The following DVL3 variants were observed in gnomAD, a reference collection of about 807,000 sequenced individuals.
DVL3 encodes segment polarity protein dishevelled homolog DVL-3.
In DVL3, 27 loss-of-function variants were observed where a neutral mutation model predicts 67.4. That is an observed-to-expected ratio of 0.40 (90% confidence interval 0.30 to 0.55). The LOEUF (loss-of-function observed/expected upper bound fraction) is 0.55, where lower values mean the gene tolerates loss of function less well. Among genes scored for constraint, DVL3 ranks in the 20% least tolerant of loss-of-function variants. DVL3 has a pLI of 0.46. For missense variants in DVL3, 819 were observed against 1,021.5 expected, an observed-to-expected ratio of 0.80 and a Z score of 2.70; for synonymous variants, 369 against 396.8, an observed-to-expected ratio of 0.93 and a Z score of 0.83.
In DVL3 at chr3:184,155,811, C is replaced by T. The variant is rs374896382; in HGVS notation, c.161+15C>T. ...GACGATTTCGGGTGAGGATGGCCCC[C>T]GCCCCGCCTCCGGGAGCCCCGGCCG... On this transcript the variant is annotated intron_variant, in intron 1 of 14. Transcript: ENST00000313143. This position sits in a 1 kb window ranked among gnomAD's most constrained non-coding sequence, Gnocchi z 5.4. 7.5e-6 allele frequency: 12 copies of T among 1,596,334 alleles called. No homozygotes were observed. Among genetic ancestry groups the T allele is most frequent in the Non-Finnish European group, 1.0e-5 (12 of 1,171,692 alleles).
At position 184,165,445 on chromosome 3, in the gene DVL3, G is replaced by A. The variant is rs764895622; in HGVS notation, c.717G>A (p.Thr239=). The change falls in exon 7 of 15, where the codon ACG becomes ACA. Residue 239 remains threonine, a synonymous_variant. Transcript: ENST00000313143. This position sits in a 1 kb window ranked among gnomAD's most constrained non-coding sequence, Gnocchi z 4.1. ...AGTCCTCGTCCTTCAGCAGCATCACGGACTCCACCATGTCACTCAACATCA... is the reference window on the plus strand; with the variant it reads ...AGTCCTCGTCCTTCAGCAGCATCACAGACTCCACCATGTCACTCAACATCA... ...IERSSSFSSI[T]DSTMSLNIIT... 2.9e-5 allele frequency: 47 copies of A among 1,613,842 alleles called. No individual in the cohort carries two copies. The highest frequency in any genetic ancestry group is 4.5e-5 in the East Asian group (2 of 44,858).
rs768326206 is a variant in DVL3, at chr3:184,166,714, A to G, written c.1048+41A>G. ...ACTCAGTCCTAAAGCTGGTGCTTAC[A>G]TACATGAGCACTGTCTCTCCTTTCT... On this transcript the variant is annotated intron_variant, in intron 10 of 14. Coordinates refer to ENST00000313143, the MANE Select transcript of DVL3 (RefSeq NM_004423.4). This position sits in a 1 kb window ranked among gnomAD's most constrained non-coding sequence, Gnocchi z 6.7. 1.2e-6 allele frequency: 2 copies of G among 1,612,166 alleles called. No homozygotes were observed. The highest frequency in any genetic ancestry group is 2.2e-5 in the South Asian group (2 of 90,894).
rs1422904004 is a variant in DVL3, at chr3:184,165,064, G to T, written c.600-49G>T. ...CAGGCCCTGCAGTGCCTCCCCTCAT[G>T]GGGGCAGGGCTGGGCCAGCCTGGTG... On this transcript the variant is annotated intron_variant, in intron 5 of 14. Transcript: ENST00000313143. The surrounding 1 kb of genome is among the most constrained non-coding windows in gnomAD (Gnocchi z 4.1). 1 of 1,611,736 alleles carries T rather than the reference G, an allele frequency of 6.2e-7. No homozygotes were observed. The highest frequency in any genetic ancestry group is 2.2e-5 in the East Asian group (1 of 44,864).
intron 1 of DVL3, chr3:184,156,849 C>T: frequency 3.9e-6 from 1 of 256,432 alleles, no homozygotes; most frequent in South Asian, 4.1e-5. Context: ...CTGAAGGCTG[C>T]CTCTCCAGCC....
chr3:184,167,965 G>A lies in DVL3; in HGVS notation c.1398G>A (p.Lys466=). 1.9e-6 allele frequency: 3 copies of A among 1,614,286 alleles called. No homozygotes were observed. The highest frequency in any genetic ancestry group is 8.5e-7 in the Non-Finnish European group (1 of 1,180,048). ...EGFTDRREAR[K]YASNLLKAGF... The stretch of plus-strand genomic sequence containing the variant: ...TCACGGACCGGAGGGAGGCCCGCAA[G>A]TATGCCAGCAACCTGCTGAAAGCTG... Residue 466 remains lysine, a synonymous_variant, in exon 13 of 15, where the codon AAG becomes AAA. Coordinates refer to ENST00000313143, the MANE Select transcript of DVL3 (RefSeq NM_004423.4). This position sits in a 1 kb window ranked among gnomAD's most constrained non-coding sequence, Gnocchi z 4.6.
rs148713930 is a variant in DVL3, at chr3:184,171,787, G to A, written c.*1032G>A. ...CCTCCTTTCCAGAGAGAATCGGATC[G>A]CACCACGTGTGGCAGCCTGCGGCGG... On this transcript the variant is annotated 3_prime_UTR_variant, in exon 15 of 15. Coordinates refer to ENST00000313143, the MANE Select transcript of DVL3 (RefSeq NM_004423.4). The A allele has an allele frequency of 7.4e-3, 1,452 of 195,262 alleles. 18 individuals carry two copies. Among genetic ancestry groups the A allele is most frequent in the Non-Finnish European group, 8.8e-3 (933 of 106,100 alleles). 12.1% of individuals were successfully genotyped at this position (195,262 alleles called of 1,614,324 possible).
rs539349424 is a variant in DVL3, at chr3:184,166,302, G to A, written c.903+37G>A. ...CATCCTAGGCGGTGGTGTGGATAGA[G>A]GGCAGGGAGGTGTCCTACCATCTGT... On this transcript the variant is annotated intron_variant, in intron 8 of 14. Transcript: ENST00000313143. This position sits in a 1 kb window ranked among gnomAD's most constrained non-coding sequence, Gnocchi z 6.7. 1 of 1,608,096 alleles carries A rather than the reference G, an allele frequency of 6.2e-7. No homozygotes were observed. The highest frequency in any genetic ancestry group is 2.2e-5 in the East Asian group (1 of 44,806).
rs1432293613 is a variant in DVL3 at position 184,170,947 on chromosome 3, C to T, written c.*192C>T. 1 of 1,533,084 alleles carries T rather than the reference C, an allele frequency of 6.5e-7. No homozygotes were observed. Among genetic ancestry groups the T allele is most frequent in the Non-Finnish European group, 8.8e-7 (1 of 1,142,728 alleles). The allele number at this position is 1,533,084 out of a possible 1,614,324, so 95.0% of individuals were successfully genotyped here. A position where few individuals can be genotyped will look rare whatever the true frequency, so the allele number is the denominator to read the frequency against. Reference sequence around the variant, plus strand: ...ACCGATTGGCTCTGCAGCCCCCTAACCTGCCTCTGGCCCCAGTTCGTTTCC... The same window carrying T: ...ACCGATTGGCTCTGCAGCCCCCTAATCTGCCTCTGGCCCCAGTTCGTTTCC... On this transcript the variant is annotated 3_prime_UTR_variant, in exon 15 of 15. Transcript: ENST00000313143. The surrounding 1 kb of genome is among the most constrained non-coding windows in gnomAD (Gnocchi z 6.5).
Position 184,167,116 on chromosome 3 carries a change from A to C in DVL3, c.1198+141A>C. The C allele has an allele frequency of 9.3e-7, 1 of 1,070,564 alleles. No individual in the cohort carries two copies. The highest frequency in any genetic ancestry group is 1.4e-6 in the Non-Finnish European group (1 of 738,526). The allele number at this position is 1,070,564 out of a possible 1,614,324, so 66.3% of individuals were successfully genotyped here. A position where few individuals can be genotyped will look rare whatever the true frequency, so the allele number is the denominator to read the frequency against. On this transcript the variant is annotated intron_variant, in intron 11 of 14. Transcript: ENST00000313143. This position sits in a 1 kb window ranked among gnomAD's most constrained non-coding sequence, Gnocchi z 4.6. Reference sequence around the variant, plus strand: ...GCTCATTCCAGCAACCCCACACTGCAACTCCCCCACAGCGGGCACTCCAAC... The same window carrying C: ...GCTCATTCCAGCAACCCCACACTGCCACTCCCCCACAGCGGGCACTCCAAC...
rs200959046 is a variant in DVL3, at chr3:184,164,246, C to T, written c.232-21C>T. The T allele has an allele frequency of 1.2e-4, 193 of 1,612,076 alleles. No homozygotes were observed. The highest frequency in any genetic ancestry group is 1.6e-4 in the Middle Eastern group (1 of 6,070). On this transcript the variant is annotated intron_variant, in intron 2 of 14. Coordinates refer to ENST00000313143, the MANE Select transcript of DVL3 (RefSeq NM_004423.4). This position sits in a 1 kb window ranked among gnomAD's most constrained non-coding sequence, Gnocchi z 5.3. The stretch of plus-strand genomic sequence containing the variant: ...CTTGATGCTCCTGTAACATACTACT[C>T]ACTCAGTTTCTCCCTTTCAGCTGGT...
In DVL3 at chr3:184,167,757, G is replaced by A. The variant is rs1177696681; in HGVS notation, c.1330+46G>A. 1.3e-6 allele frequency: 2 copies of A among 1,591,922 alleles called. No individual in the cohort carries two copies. Among genetic ancestry groups the A allele is most frequent in the Admixed American group, 3.4e-5 (2 of 58,474 alleles). On this transcript the variant is annotated intron_variant, in intron 12 of 14. Transcript: ENST00000313143. The surrounding 1 kb of genome is among the most constrained non-coding windows in gnomAD (Gnocchi z 4.6). Reference sequence around the variant, plus strand: ...GATGCAGGGTGGGTGGGGAGTGATGGGGCAGGGCAGGCCGGAGGGCCCAGG... The same window carrying A: ...GATGCAGGGTGGGTGGGGAGTGATGAGGCAGGGCAGGCCGGAGGGCCCAGG...
At position 184,167,624 on chromosome 3, in the gene DVL3, A is replaced by G. The variant is rs1181303954; in HGVS notation, c.1243A>G (p.Ile415Val). Residue 415 changes from isoleucine to valine, a missense_variant, in exon 12 of 15, where the codon ATC (isoleucine) becomes GTC (valine). This residue lies in a region of DVL3 where 110 missense variants were observed against 203.4 expected (regional missense o/e 0.54). Transcript: ENST00000313143. This position sits in a 1 kb window ranked among gnomAD's most constrained non-coding sequence, Gnocchi z 4.6. ...HLSIHSDMAA[I>V]VKAMASPESG... ...GTCCATCCACAGTGACATGGCTGCC[A>G]TCGTAAAAGCCATGGCCTCCCCTGA... 3.1e-6 allele frequency: 5 copies of G among 1,613,962 alleles called. No homozygotes were observed. The highest frequency in any genetic ancestry group is 4.2e-6 in the Non-Finnish European group (5 of 1,180,016).
chr3:184,171,242 A>C lies in DVL3; in HGVS notation c.*487A>C. 1.9e-6 allele frequency: 2 copies of C among 1,050,490 alleles called. No homozygotes were observed. Among genetic ancestry groups the C allele is most frequent in the Non-Finnish European group, 2.3e-6 (2 of 870,200 alleles). The allele number at this position is 1,050,490 out of a possible 1,614,324, so 65.1% of individuals were successfully genotyped here. Reference sequence around the variant, plus strand: ...CTTTACCCCACATTACTGAAACCAAAATATATTTGCTTCATCTGCCCCTAC... The same window carrying C: ...CTTTACCCCACATTACTGAAACCAACATATATTTGCTTCATCTGCCCCTAC... On this transcript the variant is annotated 3_prime_UTR_variant, in exon 15 of 15. Transcript: ENST00000313143.
chr3:184,164,353 G>C lies in DVL3; in HGVS notation c.318G>C (p.Thr106=), dbSNP rs201100826. Reference sequence around the variant, plus strand: ...AGCTGCCACCACCTATGGAGCGCACGGGAGGCATCGGGGACTCCCGACCCC... The same window carrying C: ...AGCTGCCACCACCTATGGAGCGCACCGGAGGCATCGGGGACTCCCGACCCC... ...PSELPPPMER[T]GGIGDSRPPS... The change falls in exon 3 of 15, where the codon ACG becomes ACC. Residue 106 remains threonine, a synonymous_variant. Transcript: ENST00000313143. The surrounding 1 kb of genome is among the most constrained non-coding windows in gnomAD (Gnocchi z 5.3). 2.5e-6 allele frequency: 4 copies of C among 1,614,056 alleles called. No homozygotes were observed. Among genetic ancestry groups the C allele is most frequent in the Non-Finnish European group, 3.4e-6 (4 of 1,180,002 alleles).
At position 184,171,167 on chromosome 3, in the gene DVL3, T is replaced by C; in HGVS notation, c.*412T>C. 4.3e-6 allele frequency: 5 copies of C among 1,154,694 alleles called. No individual in the cohort carries two copies. The highest frequency in any genetic ancestry group is 5.4e-6 in the Non-Finnish European group (5 of 928,516). 71.5% of individuals were successfully genotyped at this position (1,154,694 alleles called of 1,614,324 possible). A position where few individuals can be genotyped will look rare whatever the true frequency, so the allele number is the denominator to read the frequency against. On this transcript the variant is annotated 3_prime_UTR_variant, in exon 15 of 15. Transcript: ENST00000313143. ...CCCTTTCACCATTTATTCAGCTACATCATCCCTCTATTAACCCCACCCCAT... is the reference window on the plus strand; with the variant it reads ...CCCTTTCACCATTTATTCAGCTACACCATCCCTCTATTAACCCCACCCCAT...
chr3:184,159,606 C>T lies in DVL3; in HGVS notation c.161+3810C>T, dbSNP rs565038824. On this transcript the variant is annotated intron_variant, in intron 1 of 14. Transcript: ENST00000313143. ...CACGAACTCTTGACCTCAAGTGATCCGCCCACCTTGGCCTCCCAAAGTGCT... is the reference window on the plus strand; with the variant it reads ...CACGAACTCTTGACCTCAAGTGATCTGCCCACCTTGGCCTCCCAAAGTGCT... Among the ~76,000 whole-genome samples, 98 of 131,484 alleles carry T rather than the reference C, an allele frequency of 7.5e-4. 14 individuals are homozygous for T. The highest frequency in any genetic ancestry group is 2.8e-3 in the African/African-American group (97 of 34,738). 86.3% of individuals were successfully genotyped at this position (131,484 alleles called of 152,430 possible).
Position 184,165,327 on chromosome 3 carries a change from TG to T in DVL3, c.694-90del. The T allele has an allele frequency of 6.5e-7, 1 of 1,544,560 alleles. No homozygotes were observed. Among genetic ancestry groups the T allele is most frequent in the Non-Finnish European group, 8.9e-7 (1 of 1,126,150 alleles). ...AGTGCAGTGTTGAGAACCTTGGGGC[TG>T]GGGGCTGCACCGGGGACTCACCTTG... On this transcript the variant is annotated intron_variant, in intron 6 of 14. Transcript: ENST00000313143. The surrounding 1 kb of genome is among the most constrained non-coding windows in gnomAD (Gnocchi z 4.1).
At position 184,170,926 on chromosome 3, in the gene DVL3, AT is replaced by A; in HGVS notation, c.*173del. ...CTGCGAGGGTGGGGTGCACCTACCG[AT>A]TGGCTCTGCAGCCCCCTAACCTGCC... On this transcript the variant is annotated 3_prime_UTR_variant, in exon 15 of 15. Coordinates refer to ENST00000313143, the MANE Select transcript of DVL3 (RefSeq NM_004423.4). The surrounding 1 kb of genome is among the most constrained non-coding windows in gnomAD (Gnocchi z 6.5). 6.5e-7 allele frequency: 1 copy of A among 1,536,996 alleles called. No individual in the cohort carries two copies. The highest frequency in any genetic ancestry group is 8.7e-7 in the Non-Finnish European group (1 of 1,143,202).
At chr3:184,160,153 C>T (rs537255143) in intron 1 of DVL3, among the ~76,000 whole-genome samples, 1 of 150,552 alleles carries the variant, frequency 6.6e-6, no homozygotes, top group South Asian at 2.1e-4. Context: ...GGGGTTTCAC[C>T]GTATTAGCCA....
Sources: allele counts gnomAD v4.1 joint callset (sites outside exome capture counted in the v4.1 genomes callset), GRCh38; gene constraint gnomAD v4.1.1; regional missense constraint gnomAD v4.1.1; non-coding constraint Gnocchi (gnomAD v3.1); transcripts MANE v1.5; gene names NCBI Gene and HGNC (gene_info 2026-07-23, HGNC 2026-07-21).